Variants in MYO5B observed in about 807,000 individuals in gnomAD.
The protein encoded by MYO5B is unconventional myosin-Vb.
MYO5B carries 143 observed loss-of-function variants against 229.3 expected under a neutral mutation model. That is an observed-to-expected ratio of 0.62 (90% confidence interval 0.54 to 0.72). MYO5B has a LOEUF of 0.72. Ranked by LOEUF, MYO5B falls within the 30% of genes least tolerant of loss-of-function variation. MYO5B has a pLI of 0.00. For missense variants in MYO5B, 2,321 were observed against 2,331.0 expected, an observed-to-expected ratio of 1.00 and a Z score of 0.09; for synonymous variants, 918 against 885.2, an observed-to-expected ratio of 1.04 and a Z score of -0.66.
intron 1 of MYO5B, among the ~76,000 whole-genome samples, chr18:50,074,966 G>GCAC (rs149223803): frequency 0.028 from 4,214 of 152,026 alleles, 195 homozygotes; most frequent in African/African-American, 0.097. Context: ...GATTACAGGC[G>GCAC]CACCCCATCA....
chr18:49,998,110 CTCTT>C (rs2026009646), intron 5 of MYO5B, among the ~76,000 whole-genome samples: 1 of 152,114 alleles, frequency 6.6e-6, no homozygotes, highest in South Asian at 2.1e-4. Flanking sequence ...CAACAAAAGC[CTCTT>C]TCTAATTCTA....
intron 1 of MYO5B, 110 bp from the exon 2 acceptor site, chr18:50,055,488 C>T (rs1182170627): frequency 3.8e-6 from 3 of 797,104 alleles, no homozygotes; most frequent in African/African-American, 1.7e-5. Context: ...AAGCTATCTG[C>T]ACACATCTCC....
intron 39 of MYO5B, among the ~76,000 whole-genome samples, chr18:49,834,459 T>C (rs945242910): frequency 3.9e-5 from 6 of 152,168 alleles, no homozygotes; most frequent in African/African-American, 1.2e-4. Flanking sequence ...GACATGACTA[T>C]CATTCCAACA....
intron 2 of MYO5B, among the ~76,000 whole-genome samples, chr18:50,045,682 T>C (rs911869280): frequency 6.6e-6 from 1 of 152,154 alleles, no homozygotes; most frequent in Non-Finnish European, 1.5e-5. Flanking sequence ...GCCGCCACGA[T>C]CCTGGCCTCC....
At chr18:49,999,160 G>T (rs1455347514) in intron 5 of MYO5B, among the ~76,000 whole-genome samples, 1 of 152,142 alleles carries the variant, frequency 6.6e-6, no homozygotes. Context: ...CTTTCGTTTT[G>T]CTCAGAATAA....
chr18:50,187,524 T>C (rs1228404136), intron 1 of MYO5B, among the ~76,000 whole-genome samples: 5 of 146,230 alleles, frequency 3.4e-5, no homozygotes, highest in Non-Finnish European at 6.0e-5. Context: ...TTTGGGGGGG[T>C]GGGCGGTGGG....
At chr18:50,043,403 T>C (rs1163406387) in intron 2 of MYO5B, among the ~76,000 whole-genome samples, 3 of 49,148 alleles carry the variant, frequency 6.1e-5, no homozygotes, top group Non-Finnish European at 1.3e-4. Flanking sequence ...TTAAATATAT[T>C]AAATATTAAA....
chr18:50,149,921 A>G (rs1313305041), intron 1 of MYO5B, among the ~76,000 whole-genome samples: 7 of 143,298 alleles, frequency 4.9e-5, no homozygotes, highest in South Asian at 2.3e-4. Context: ...GAAAATTTTC[A>G]CAACCTACTC....
At position 49,906,454 on chromosome 18, in the gene MYO5B, G is replaced by C. The variant is rs371189612; in HGVS notation, c.2379C>G (p.Thr793=). ...KYHRLKGATL[T]LQRYCRGHLA... ...GGTGTCCCCGGCAGTACCTCTGCAG[G>C]GTTAAGGTAGCCCCCTTCAGCCTGT... The change falls in exon 19 of 40, where the codon ACC becomes ACG. Residue 793 remains threonine, a synonymous_variant. Transcript: ENST00000285039. 6 of 1,614,038 alleles carry C rather than the reference G, an allele frequency of 3.7e-6. No individual in the cohort carries two copies.
At chr18:49,940,215 G>A (rs949800737) in intron 14 of MYO5B, among the ~76,000 whole-genome samples, 3 of 152,106 alleles carry the variant, frequency 2.0e-5, no homozygotes, top group South Asian at 2.1e-4. Context: ...TCAAAACAAC[G>A]CAATGAGTAT....
intron 1 of MYO5B, among the ~76,000 whole-genome samples, chr18:50,150,121 A>G (rs1280764807): frequency 1.4e-5 from 2 of 143,980 alleles, no homozygotes; most frequent in African/African-American, 5.1e-5. Context: ...TGCAAATCAA[A>G]ACCACAATGA....
chr18:50,146,932 G>A (rs563276373), intron 1 of MYO5B, among the ~76,000 whole-genome samples: 105 of 152,124 alleles, frequency 6.9e-4, no homozygotes, highest in Non-Finnish European at 1.2e-3. Context: ...TGTACTCCCT[G>A]TCCCCCTCAG....
chr18:49,834,871 C>T (rs1454047875), intron 39 of MYO5B, among the ~76,000 whole-genome samples: 2 of 152,190 alleles, frequency 1.3e-5, no homozygotes, highest in Non-Finnish European at 2.9e-5. Context: ...ATCTCCTGAC[C>T]TCGTGATCCA....
At chr18:50,060,305 A>G (rs777005996) in intron 1 of MYO5B, among the ~76,000 whole-genome samples, 1 of 152,218 alleles carries the variant, frequency 6.6e-6, no homozygotes, top group Non-Finnish European at 1.5e-5. Context: ...TTTTCACAGA[A>G]GGCCATTATT....
In MYO5B at chr18:49,929,572, T is replaced by G; in HGVS notation, c.2030A>C (p.Gln677Pro). Reference sequence around the variant, plus strand: ...CTCCAACACCCCGCAGGCTCTGAGTTGCTGCACTGCTCTCTTTGGGTCAAA... The same window carrying G: ...CTCCAACACCCCGCAGGCTCTGAGTGGCTGCACTGCTCTCTTTGGGTCAAA... Reference protein sequence around the residue: ...FHFDPKRAVQQLRACGVLETI... With the variant: ...FHFDPKRAVQPLRACGVLETI... The change falls in exon 17 of 40, where the codon CAA becomes CCA. Residue 677 changes from glutamine (Q) to proline (P), a missense_variant. Gln to Pro is a moderately conservative substitution (Grantham distance 76). This residue lies in a region of MYO5B where 2,113 missense variants were observed against 2,044.7 expected (regional missense o/e 1.03). Coordinates refer to ENST00000285039, the MANE Select transcript of MYO5B (RefSeq NM_001080467.3). 1 of 1,606,352 alleles carries G rather than the reference T, an allele frequency of 6.2e-7. No homozygotes were observed. The highest frequency in any genetic ancestry group is 8.5e-7 in the Non-Finnish European group (1 of 1,178,420).
Position 49,843,370 on chromosome 18 carries a change from C to T in MYO5B, c.4482G>A (p.Ser1494=), listed in dbSNP as rs375102583. ...AGGCGGGGAGACAGGGCACTGTGCC[C>T]GACAGCATCTGGGGCTTCAAGTCTA... The part of the protein sequence containing the change: ...LVTDLKPQML[S]GTVPCLPAYI... Residue 1494 remains serine, a synonymous_variant, in exon 34 of 40, where the codon TCG becomes TCA. Coordinates refer to ENST00000285039, the MANE Select transcript of MYO5B (RefSeq NM_001080467.3). The T allele has an allele frequency of 5.1e-5, 82 of 1,613,984 alleles. 1 individual carries two copies. The highest frequency in any genetic ancestry group is 3.3e-4 in the Middle Eastern group (2 of 6,084).
intron 1 of MYO5B, among the ~76,000 whole-genome samples, chr18:50,088,661 G>A (rs1194693501): frequency 6.6e-6 from 1 of 152,148 alleles, no homozygotes. Flanking sequence ...TTCACTAATT[G>A]TCTAGATTAT....
At chr18:50,115,710 G>C (rs927210264) in intron 1 of MYO5B, among the ~76,000 whole-genome samples, 2 of 151,466 alleles carry the variant, frequency 1.3e-5, no homozygotes, top group African/African-American at 4.9e-5. Context: ...TTAATAACCA[G>C]CTCCAACATT....
At chr18:50,107,634 T>C (rs1218581865) in intron 1 of MYO5B, among the ~76,000 whole-genome samples, 1 of 152,198 alleles carries the variant, frequency 6.6e-6, no homozygotes, top group Non-Finnish European at 1.5e-5. Flanking sequence ...ACCAGCCTTG[T>C]GATTCCAGCA....
Sources: allele counts gnomAD v4.1 joint callset (sites outside exome capture counted in the v4.1 genomes callset), GRCh38; gene constraint gnomAD v4.1.1; regional missense constraint gnomAD v4.1.1; transcripts MANE v1.5; gene names NCBI Gene and HGNC (gene_info 2026-07-23, HGNC 2026-07-21).